GPR171: variants seen among roughly 807,000 people sequenced by gnomAD.
GPR171 encodes G protein-coupled receptor 171.
In GPR171, 14 loss-of-function variants were observed where a neutral mutation model predicts 16.7. The observed-to-expected ratio is 0.84, with a 90% CI of 0.55 to 1.31. The LOEUF (loss-of-function observed/expected upper bound fraction) is 1.31, where lower values mean the gene tolerates loss of function less well. Ranked by LOEUF, GPR171 falls within the 40% of genes most tolerant of loss-of-function variation. GPR171 has a pLI of 0.00. For missense variants in GPR171, 337 were observed against 378.9 expected (o/e 0.89, Z 0.92); for synonymous variants, 134 against 135.6 (o/e 0.99, Z 0.08).
intron 1 of GPR171, among the ~76,000 whole-genome samples, chr3:151,202,477 C>CCAGTTCGAGA (rs1725743103): frequency 6.6e-6 from 1 of 152,102 alleles, no homozygotes; most frequent in South Asian, 2.1e-4. Context: ...TCGAGACCAG[C>CCAGTTCGAGA]CTGGCCAACA....
At chr3:151,201,201 A>G (rs1421434965) in intron 1 of GPR171, among the ~76,000 whole-genome samples, 1 of 151,830 alleles carries the variant, frequency 6.6e-6, no homozygotes, top group Non-Finnish European at 1.5e-5. Context: ...TTGCTGTTCT[A>G]TGCATACAAC....
chr3:151,198,780 T>A lies in GPR171; in HGVS notation c.607A>T (p.Ile203Phe). Reference sequence around the variant, plus strand: ...TCTTTGTTTCTGTAGAGCTGTCGAATTACAAGGCAATTGGATATTAAAATG... The same window carrying A: ...TCTTTGTTTCTGTAGAGCTGTCGAAATACAAGGCAATTGGATATTAAAATG... ...AIILISNCLV[I>F]RQLYRNKDNE... The change falls in exon 3 of 3, where the codon ATT becomes TTT. Residue 203 changes from isoleucine (I) to phenylalanine (F), a missense_variant. Coordinates refer to ENST00000309180, the MANE Select transcript of GPR171 (RefSeq NM_013308.4). The A allele has an allele frequency of 6.2e-7, 1 of 1,613,854 alleles. No individual in the cohort carries two copies. Among genetic ancestry groups the A allele is most frequent in the Admixed American group, 1.7e-5 (1 of 60,030 alleles).
intron 2 of GPR171, 35 bp from the exon 3 acceptor site, chr3:151,199,474 T>TA (rs1289089727): frequency 1.1e-5 from 12 of 1,131,330 alleles, no homozygotes; most frequent in Non-Finnish European, 1.5e-5. Flanking sequence ...GGTTAGTAAT[T>TA]AAAATTAGCA....
intron 1 of GPR171, among the ~76,000 whole-genome samples, chr3:151,201,798 T>TGC (rs1725633208): frequency 6.6e-6 from 1 of 152,242 alleles, no homozygotes; most frequent in Non-Finnish European, 1.5e-5. Flanking sequence ...TGTGCATTGA[T>TGC]ATAGTGTCAC....
Position 151,198,678 on chromosome 3 carries a change from C to G in GPR171, c.709G>C (p.Val237Leu). 4 of 1,614,130 alleles carry G rather than the reference C, an allele frequency of 2.5e-6. No individual in the cohort carries two copies. The highest frequency in any genetic ancestry group is 3.4e-6 in the Non-Finnish European group (4 of 1,180,008). ...GGGATTCGGACAATGTGGTAAGGAACAAAGCATATGATGTAGCCCGTGGTC... is the reference window on the plus strand; with the variant it reads ...GGGATTCGGACAATGTGGTAAGGAAGAAAGCATATGATGTAGCCCGTGGTC... The part of the protein sequence containing the change: ...LVTTGYIICF[V>L]PYHIVRIPYT... The change falls in exon 3 of 3, where the codon GTT becomes CTT. Residue 237 changes from valine to leucine, a missense_variant. By Grantham distance (32) the Val-to-Leu change is conservative (BLOSUM62 1). Coordinates refer to ENST00000309180, the MANE Select transcript of GPR171 (RefSeq NM_013308.4).
chr3:151,201,245 TCA>T (rs1553740002), intron 1 of GPR171, among the ~76,000 whole-genome samples: 1 of 150,524 alleles, frequency 6.6e-6, no homozygotes, highest in Non-Finnish European at 1.5e-5. Context: ...TCTCTCTCTC[TCA>T]CACGCACATT....
At position 151,198,611 on chromosome 3, in the gene GPR171, G is replaced by T. The variant is rs1318776044; in HGVS notation, c.776C>A (p.Thr259Asn). Residue 259 changes from threonine (T) to asparagine (N), a missense_variant, in exon 3 of 3, where the codon ACC becomes AAC. Thr to Asn is a moderately conservative substitution (Grantham distance 65, BLOSUM62 0). Coordinates refer to ENST00000309180, the MANE Select transcript of GPR171 (RefSeq NM_013308.4). The part of the protein sequence containing the change: ...SQTEVITDCS[T>N]RISLFKAKEA... ...TTTGGCTTTGAAGAGTGAAATCCTGGTTGAGCAATCAGTTATGACTTCTGT... is the reference window on the plus strand; with the variant it reads ...TTTGGCTTTGAAGAGTGAAATCCTGTTTGAGCAATCAGTTATGACTTCTGT... 3 of 1,613,958 alleles carry T rather than the reference G, an allele frequency of 1.9e-6. No homozygotes were observed. The highest frequency in any genetic ancestry group is 2.5e-6 in the Non-Finnish European group (3 of 1,179,850).
chr3:151,202,763 A>G (rs1012014849), intron 1 of GPR171, among the ~76,000 whole-genome samples: 5 of 152,234 alleles, frequency 3.3e-5, no homozygotes, highest in African/African-American at 9.6e-5. Flanking sequence ...TAATGTTTGT[A>G]GAGGAAAGTC....
At chr3:151,201,621 A>G (rs1725605287) in intron 1 of GPR171, among the ~76,000 whole-genome samples, 1 of 152,166 alleles carries the variant, frequency 6.6e-6, no homozygotes, top group African/African-American at 2.4e-5. Context: ...ATTTATCCTT[A>G]CTATTCCTGA....
Position 151,198,858 on chromosome 3 carries a change from G to T in GPR171, c.529C>A (p.His177Asn). The change falls in exon 3 of 3, where the codon CAT becomes AAT. Residue 177 changes from histidine (H) to asparagine (N), a missense_variant. By Grantham distance (68) the His-to-Asn change is moderately conservative (BLOSUM62 1). Coordinates refer to ENST00000309180, the MANE Select transcript of GPR171 (RefSeq NM_013308.4). ...EFKKEFGRNW[H>N]LLTNFICVAI... ...ACACATATGAAATTTGTCAGCAAAT[G>T]CCAATTTCTTCCAAATTCCTTTTTA... 6.2e-7 allele frequency: 1 copy of T among 1,613,656 alleles called. No homozygotes were observed. Among genetic ancestry groups the T allele is most frequent in the Non-Finnish European group, 8.5e-7 (1 of 1,179,604 alleles).
Position 151,198,883 on chromosome 3 carries a change from A to C in GPR171, c.504T>G (p.Phe168Leu), listed in dbSNP as rs537780482. 6.2e-7 allele frequency: 1 copy of C among 1,614,124 alleles called. No homozygotes were observed. Among genetic ancestry groups the C allele is most frequent in the East Asian group, 2.2e-5 (1 of 44,888 alleles). The change falls in exon 3 of 3, where the codon TTT becomes TTG. Residue 168 changes from phenylalanine (F) to leucine (L), a missense_variant. Coordinates refer to ENST00000309180, the MANE Select transcript of GPR171 (RefSeq NM_013308.4). ...KEKSNVGCME[F>L]KKEFGRNWHL... is the part of the protein sequence containing the mutation. ...GCCAATTTCTTCCAAATTCCTTTTT[A>C]AACTCCATACAACCCACATTTGACT...
Position 151,198,342 on chromosome 3 carries a change from G to GTTTTTTTTTTTTTTTTTTTTTTT in GPR171, c.*84_*85insAAAAAAAAAAAAAAAAAAAAAAA. The stretch of plus-strand genomic sequence containing the variant: ...ATTTTTTCATACTGAGTTTTTTTTT[G>GTTTTTTTTTTTTTTTTTTTTTTT]TTTTTTTTTTTTTTATCTTTCAAAG... On this transcript the variant is annotated 3_prime_UTR_variant, in exon 3 of 3. Coordinates refer to ENST00000309180, the MANE Select transcript of GPR171 (RefSeq NM_013308.4). The GTTTTTTTTTTTTTTTTTTTTTTT allele has an allele frequency of 1.4e-6, 1 of 693,216 alleles. No individual in the cohort carries two copies. The highest frequency in any genetic ancestry group is 2.1e-6 in the Non-Finnish European group (1 of 475,294). 42.9% of individuals were successfully genotyped at this position (693,216 alleles called of 1,614,324 possible). A position where few individuals can be genotyped will look rare whatever the true frequency, so the allele number is the denominator to read the frequency against.
chr3:151,199,192 C>G lies in GPR171; in HGVS notation c.195G>C (p.Leu65=), dbSNP rs772000549. The change falls in exon 3 of 3, where the codon CTG becomes CTC. Residue 65 remains leucine, a synonymous_variant. Coordinates refer to ENST00000309180, the MANE Select transcript of GPR171 (RefSeq NM_013308.4). ...CAACAACAATTTTCACTGGTAATGC[C>G]AGAGTAAGCAGGAAATCGGCTGTAA... The part of the protein sequence containing the change: ...NLLTADFLLT[L]ALPVKIVVDL... 5.0e-6 allele frequency: 8 copies of G among 1,613,930 alleles called. No homozygotes were observed. Among genetic ancestry groups the G allele is most frequent in the African/African-American group, 2.7e-5 (2 of 74,898 alleles).
chr3:151,198,633 C>T lies in GPR171; in HGVS notation c.754G>A (p.Glu252Lys). The change falls in exon 3 of 3, where the codon GAA (glutamate) becomes AAA (lysine). Residue 252 changes from glutamate (E) to lysine (K), a missense_variant. Coordinates refer to ENST00000309180, the MANE Select transcript of GPR171 (RefSeq NM_013308.4). ...CTGGTTGAGCAATCAGTTATGACTT[C>T]TGTCTGGCTGAGGGTATACGGGATT... ...VRIPYTLSQT[E>K]VITDCSTRIS... is the part of the protein sequence containing the mutation. 1 of 1,613,982 alleles carries T rather than the reference C, an allele frequency of 6.2e-7. No homozygotes were observed. The highest frequency in any genetic ancestry group is 8.5e-7 in the Non-Finnish European group (1 of 1,179,876).
intron 2 of GPR171, 51 bp from the exon 3 acceptor site, chr3:151,199,490 T>C (rs886871937): frequency 9.8e-7 from 1 of 1,020,362 alleles, no homozygotes; most frequent in Admixed American, 2.4e-5. Flanking sequence ...TAGCAACTAT[T>C]TTCTTTAAAA....
Position 151,198,444 on chromosome 3 carries a change from A to G in GPR171, c.943T>C (p.Cys315Arg), listed in dbSNP as rs966012952. 5 of 1,606,780 alleles carry G rather than the reference A, an allele frequency of 3.1e-6. No homozygotes were observed. Among genetic ancestry groups the G allele is most frequent in the East Asian group, 2.2e-5 (1 of 44,752 alleles). The change falls in exon 3 of 3, where the codon TGT becomes CGT. Residue 315 changes from cysteine to arginine, a missense_variant. Transcript: ENST00000309180. ...CCTGTCTTTTATGCATTATTTTCAC[A>G]TCTTAATTTTTCTTTCTGAGCCTTG... ...ETKAQKEKLRCENNA is the reference protein window; with the variant it reads ...ETKAQKEKLRRENNA
chr3:151,199,460 G>C, intron 2 of GPR171, 21 bp from the exon 3 acceptor site: 1 of 1,284,930 alleles, frequency 7.8e-7, no homozygotes, highest in South Asian at 1.4e-5. Context: ...AACAAGGAAA[G>C]GGAGGTTAGT....
Position 151,198,356 on chromosome 3 carries a change from T to TTTTTTTTCA in GPR171, c.*70_*71insTGAAAAAAA. ...AGTTTTTTTTTGTTTTTTTTTTTTT[T>TTTTTTTTCA]ATCTTTCAAAGCTATAATTAACTTT... On this transcript the variant is annotated 3_prime_UTR_variant, in exon 3 of 3. Transcript: ENST00000309180. 8.8e-7 allele frequency: 1 copy of TTTTTTTTCA among 1,131,178 alleles called. No individual in the cohort carries two copies. Among genetic ancestry groups the TTTTTTTTCA allele is most frequent in the East Asian group, 2.5e-5 (1 of 40,266 alleles). 70.1% of individuals were successfully genotyped at this position (1,131,178 alleles called of 1,614,324 possible). A position where few individuals can be genotyped will look rare whatever the true frequency, so the allele number is the denominator to read the frequency against.
intron 1 of GPR171, 79 bp downstream of exon 1, chr3:151,203,025 A>T (rs915166053): frequency 1.3e-5 from 2 of 152,174 alleles, no homozygotes; most frequent in Admixed American, 1.3e-4. Context: ...TCTACTTATA[A>T]GCCTTAAATA....
Sources: allele counts gnomAD v4.1 joint callset (sites outside exome capture counted in the v4.1 genomes callset), GRCh38; gene constraint gnomAD v4.1.1; transcripts MANE v1.5; gene names NCBI Gene and HGNC (gene_info 2026-07-23, HGNC 2026-07-21).